ANKAR: variants seen among roughly 807,000 people sequenced by gnomAD.
The protein encoded by ANKAR is ankyrin and armadillo repeat-containing protein.
Under a neutral mutation model 146.2 loss-of-function variants are expected in ANKAR, and 136 were observed. The ratio of observed to expected loss-of-function variants is 0.93; its 90% CI spans 0.81 to 1.07. The LOEUF is 1.07. ANKAR is among the 50% of genes least tolerant of loss of function. The pLI is 0.00. For missense variants in ANKAR, 1,567 were observed against 1,679.9 expected (o/e 0.93, Z 1.18); for synonymous variants, 500 against 575.8 (o/e 0.87, Z 1.88).
At chr2:189,699,563 A>G (rs560353897) in intron 7 of ANKAR, among the ~76,000 whole-genome samples, 2 of 152,320 alleles carry the variant, frequency 1.3e-5, no homozygotes, top group East Asian at 3.9e-4. Context: ...GTGCATAAGC[A>G]TATATATGTC....
At position 189,727,938 on chromosome 2, in the gene ANKAR, G is replaced by A. The variant is rs961957003; in HGVS notation, c.2718G>A (p.Glu906=). 7 of 1,613,944 alleles carry A rather than the reference G, an allele frequency of 4.3e-6. No individual in the cohort carries two copies. In the African/African-American group the frequency reaches 6.7e-5, roughly 15 times the overall value. Reference sequence around the variant, plus strand: ...AAATTCAGGATGCTATAGCTATGGAGGGAGCGATTCCTCCTCTGGTGGCTC... The same window carrying A: ...AAATTCAGGATGCTATAGCTATGGAAGGAGCGATTCCTCCTCTGGTGGCTC... ...NKEIQDAIAM[E]GAIPPLVALF... is the part of the protein sequence containing the mutation. The change falls in exon 13 of 23, where the codon GAG becomes GAA. Residue 906 remains glutamate, a synonymous_variant. Coordinates refer to ENST00000684021, the MANE Select transcript of ANKAR (RefSeq NM_001378068.1).
At position 189,728,297 on chromosome 2, in the gene ANKAR, G is replaced by A. The variant is rs1446725986; in HGVS notation, c.2908G>A (p.Ala970Thr). 2.4e-5 allele frequency: 38 copies of A among 1,611,200 alleles called. No homozygotes were observed. The highest frequency in any genetic ancestry group is 3.2e-5 in the Non-Finnish European group (38 of 1,179,340). ...AFQIDVKEQG[A>T]VALWALAGQT... Reference sequence around the variant, plus strand: ...TCAAATAGATGTTAAGGAACAAGGAGCTGTTGCACTTTGGGCCTTGGCAGG... The same window carrying A: ...TCAAATAGATGTTAAGGAACAAGGAACTGTTGCACTTTGGGCCTTGGCAGG... Residue 970 changes from alanine (A) to threonine (T), a missense_variant, in exon 14 of 23, where the codon GCT becomes ACT. Coordinates refer to ENST00000684021, the MANE Select transcript of ANKAR (RefSeq NM_001378068.1).
chr2:189,677,116 A>ATTTT, intron 2 of ANKAR, 25 bp downstream of exon 2: 2 of 1,281,160 alleles, frequency 1.6e-6, no homozygotes, highest in Non-Finnish European at 2.0e-6. Flanking sequence ...CACTTCTTAA[A>ATTTT]TTTTTTTTTT....
At chr2:189,750,543 A>G, downstream of ANKAR, 1 of 1,149,498 alleles carries the variant, frequency 8.7e-7, no homozygotes, top group Non-Finnish European at 1.3e-6. Flanking sequence ...TTTAACCTTA[A>G]TACTACCTTT....
At chr2:189,749,181 G>A (rs2044663834), downstream of ANKAR, among the ~76,000 whole-genome samples, 1 of 141,740 alleles carries the variant, frequency 7.1e-6, no homozygotes, top group Non-Finnish European at 1.5e-5. Flanking sequence ...GGCAGACGGA[G>A]GTTGCAGTGA....
intron 18 of ANKAR, chr2:189,753,016 A>G (rs1378627090): frequency 6.4e-7 from 1 of 1,559,870 alleles, no homozygotes; most frequent in Non-Finnish European, 8.7e-7. Context: ...ACTATCATAT[A>G]TGGATATGAA....
intron 9 of ANKAR, among the ~76,000 whole-genome samples, chr2:189,709,008 A>G (rs2039331552): frequency 6.6e-6 from 1 of 152,228 alleles, no homozygotes; most frequent in Non-Finnish European, 1.5e-5. Flanking sequence ...AGGCTGAGGC[A>G]GGAGAATCAC....
intron 2 of ANKAR, among the ~76,000 whole-genome samples, chr2:189,681,887 T>A (rs1452136609): frequency 6.6e-6 from 1 of 152,238 alleles, no homozygotes; most frequent in Non-Finnish European, 1.5e-5. Flanking sequence ...GTGATTCTAC[T>A]TTTAAAATAT....
chr2:189,720,813 T>G, intron 12 of ANKAR, 26 bp downstream of exon 12: 2 of 1,426,340 alleles, frequency 1.4e-6, no homozygotes, highest in Non-Finnish European at 1.8e-6. Flanking sequence ...TGTATTATTT[T>G]ATAATGACCA....
At chr2:189,683,719 C>T (rs745483622) in intron 2 of ANKAR, among the ~76,000 whole-genome samples, 2 of 152,170 alleles carry the variant, frequency 1.3e-5, no homozygotes, top group African/African-American at 2.4e-5. Flanking sequence ...TCACCATTCA[C>T]GTTTGGGAAA....
chr2:189,732,802 C>T (rs977159213), intron 16 of ANKAR, among the ~76,000 whole-genome samples: 3 of 151,250 alleles, frequency 2.0e-5, no homozygotes, highest in Non-Finnish European at 4.4e-5. Context: ...AGGGATACAA[C>T]TATGTACTTA....
At position 189,746,561 on chromosome 2, in the gene ANKAR, A is replaced by G; in HGVS notation, c.4239A>G (p.Arg1413=). ...ATATCACAAATGTATCAAGACCAAGAATAGTGTGTTTGAACCAACTTGGGA... is the reference window on the plus strand; with the variant it reads ...ATATCACAAATGTATCAAGACCAAGGATAGTGTGTTTGAACCAACTTGGGA... ...TSDITNVSRP[R]IVCLNQLGKH... Residue 1413 remains arginine, a synonymous_variant, in exon 23 of 23, where the codon AGA becomes AGG. Coordinates refer to ENST00000684021, the MANE Select transcript of ANKAR (RefSeq NM_001378068.1). 1 of 1,613,816 alleles carries G rather than the reference A, an allele frequency of 6.2e-7. No homozygotes were observed. Among genetic ancestry groups the G allele is most frequent in the Non-Finnish European group, 8.5e-7 (1 of 1,179,874 alleles).
chr2:189,687,437 C>T (rs1056224695), intron 2 of ANKAR, among the ~76,000 whole-genome samples: 2 of 152,118 alleles, frequency 1.3e-5, no homozygotes, highest in East Asian at 3.9e-4. Context: ...AGTGCAGATA[C>T]CCTTTGATAT....
chr2:189,761,649 T>C, downstream of ANKAR: 3 of 1,545,032 alleles, frequency 1.9e-6, no homozygotes, highest in Non-Finnish European at 2.6e-6. Context: ...ATACTTACTC[T>C]ATAGATAATT....
At chr2:189,735,673 T>C (rs1322685720) in intron 17 of ANKAR, among the ~76,000 whole-genome samples, 3 of 152,222 alleles carry the variant, frequency 2.0e-5, no homozygotes, top group African/African-American at 4.8e-5. Context: ...CCTAGCCACA[T>C]TGATACTGTC....
At chr2:189,678,608 A>G (rs2034144649) in intron 2 of ANKAR, among the ~76,000 whole-genome samples, 1 of 152,142 alleles carries the variant, frequency 6.6e-6, no homozygotes, top group South Asian at 2.1e-4. Flanking sequence ...GTTGATTTTT[A>G]TATAAGGTGA....
Position 189,676,933 on chromosome 2 carries a change from T to C in ANKAR, c.443T>C (p.Ile148Thr), listed in dbSNP as rs1240921983. The change falls in exon 2 of 23, where the codon ATC becomes ACC. Residue 148 changes from isoleucine (I) to threonine (T), a missense_variant. Coordinates refer to ENST00000684021, the MANE Select transcript of ANKAR (RefSeq NM_001378068.1). The stretch of plus-strand genomic sequence containing the variant: ...GATACCAGAATTGGGCAAATTCTGA[T>C]CAATATTGACTACATGCTGAAAGCA... ...YYDTRIGQIL[I>T]NIDYMLKALW... The C allele has an allele frequency of 6.2e-7, 1 of 1,614,106 alleles. No homozygotes were observed. Among genetic ancestry groups the C allele is most frequent in the Non-Finnish European group, 8.5e-7 (1 of 1,180,024 alleles).
intron 10 of ANKAR, among the ~76,000 whole-genome samples, chr2:189,718,745 CT>C (rs11377626): frequency 8.3e-4 from 116 of 139,150 alleles, no homozygotes; most frequent in African/African-American, 2.0e-3. Flanking sequence ...TTTCTATTTT[CT>C]TTTTTTTTTT....
chr2:189,680,710 A>C (rs374982621), intron 2 of ANKAR, among the ~76,000 whole-genome samples: 1 of 152,044 alleles, frequency 6.6e-6, no homozygotes, highest in Non-Finnish European at 1.5e-5. Context: ...TCTGGAGCAG[A>C]TTATTTCATT....
Sources: allele counts gnomAD v4.1 joint callset (sites outside exome capture counted in the v4.1 genomes callset), GRCh38; gene constraint gnomAD v4.1.1; transcripts MANE v1.5; gene names NCBI Gene and HGNC (gene_info 2026-07-23, HGNC 2026-07-21).